The following CTNNA2 variants were observed in gnomAD, a reference collection of about 807,000 sequenced individuals.
The protein encoded by CTNNA2 is catenin alpha 2, also known as catenin alpha-2.
In CTNNA2, 42 loss-of-function variants were observed where a neutral mutation model predicts 101.0. The observed-to-expected ratio is 0.42, with a 90% CI of 0.32 to 0.54. CTNNA2 has a LOEUF of 0.54. Ranked by LOEUF, CTNNA2 falls within the 20% of genes least tolerant of loss-of-function variation. CTNNA2 has a pLI of 0.14. For missense variants in CTNNA2, 871 were observed against 1,223.1 expected, an observed-to-expected ratio of 0.71 and a Z score of 4.29; for synonymous variants, 450 against 456.4, an observed-to-expected ratio of 0.99 and a Z score of 0.18.
chr2:80,213,200 T>G (rs1248609161), intron 7 of CTNNA2, among the ~76,000 whole-genome samples: 2 of 152,186 alleles, frequency 1.3e-5, no homozygotes, highest in Non-Finnish European at 2.9e-5. Context: ...GGGTTTTTTG[T>G]GTCTCTATCT....
chr2:80,302,999 T>G lies in CTNNA2; in HGVS notation c.1057-90212T>G. On this transcript the variant is annotated intron_variant, in intron 7 of 18. Coordinates refer to ENST00000402739, the MANE Select transcript of CTNNA2 (RefSeq NM_001282597.3). This position sits in a 1 kb window ranked among gnomAD's most constrained non-coding sequence, Gnocchi z 6.4. ...CAGGTGCGGCACGGTCTCGAACACA[T>G]GGGGCTCCATGTACTCGATCTCGTT... 6.2e-7 allele frequency: 1 copy of G among 1,612,722 alleles called. No homozygotes were observed. Among genetic ancestry groups the G allele is most frequent in the Non-Finnish European group, 8.5e-7 (1 of 1,179,778 alleles).
intron 9 of CTNNA2, among the ~76,000 whole-genome samples, chr2:80,511,578 T>A (rs571243904): frequency 4.6e-5 from 7 of 152,150 alleles, no homozygotes; most frequent in Non-Finnish European, 1.0e-4. Flanking sequence ...AAAATATATA[T>A]CATTGTCAAA....
At chr2:79,192,231 T>C (rs1673883994) in intron 1 of CTNNA2, among the ~76,000 whole-genome samples, 1 of 152,174 alleles carries the variant, frequency 6.6e-6, no homozygotes, top group Non-Finnish European at 1.5e-5. Context: ...GGGGTCTCCT[T>C]GGCCAAAAGG....
chr2:80,379,938 T>C (rs1676336943), intron 7 of CTNNA2, among the ~76,000 whole-genome samples: 1 of 152,102 alleles, frequency 6.6e-6, no homozygotes, highest in South Asian at 2.1e-4. Flanking sequence ...TTTACCACTA[T>C]TTAACCAGCA....
intron 3 of CTNNA2, among the ~76,000 whole-genome samples, chr2:79,854,880 T>C (rs1681006011): frequency 2.0e-5 from 3 of 152,182 alleles, no homozygotes; most frequent in Non-Finnish European, 4.4e-5. Context: ...AATATTTCAA[T>C]CTTATAGAAA....
chr2:79,543,447 A>G (rs957275138), intron 1 of CTNNA2, among the ~76,000 whole-genome samples: 2 of 152,158 alleles, frequency 1.3e-5, no homozygotes, highest in Non-Finnish European at 2.9e-5. Flanking sequence ...ATATTTCTTT[A>G]AAGATGTTTT....
intron 11 of CTNNA2, among the ~76,000 whole-genome samples, chr2:80,551,642 C>A (rs1250319189): frequency 3.3e-5 from 5 of 152,204 alleles, no homozygotes; most frequent in African/African-American, 1.2e-4. Flanking sequence ...AGCTTCCTTA[C>A]CTCTCTCAGC....
chr2:79,814,845 C>G (rs1172052260), intron 3 of CTNNA2, among the ~76,000 whole-genome samples: 1 of 152,116 alleles, frequency 6.6e-6, no homozygotes, highest in Non-Finnish European at 1.5e-5. Context: ...TTTAAGTAAT[C>G]TCCACACTGT....
intron 2 of CTNNA2, among the ~76,000 whole-genome samples, chr2:79,202,176 G>A (rs1276573196): frequency 2.6e-5 from 4 of 152,222 alleles, no homozygotes; most frequent in Non-Finnish European, 1.5e-5. Context: ...AAGCCTCAGA[G>A]GGATGACTGA....
At chr2:79,585,934 A>C (rs942632950) in intron 1 of CTNNA2, among the ~76,000 whole-genome samples, 1 of 152,264 alleles carries the variant, frequency 6.6e-6, no homozygotes, top group African/African-American at 2.4e-5. Flanking sequence ...AGTCACAACC[A>C]CGCTTGGAGA....
At chr2:80,324,977 C>T (rs1679101729) in intron 7 of CTNNA2, among the ~76,000 whole-genome samples, 1 of 152,152 alleles carries the variant, frequency 6.6e-6, no homozygotes, top group South Asian at 2.1e-4. Flanking sequence ...TGCCATGGCA[C>T]ATATTACTAC....
chr2:79,599,650 A>G (rs1036249079), intron 1 of CTNNA2, among the ~76,000 whole-genome samples: 2 of 152,192 alleles, frequency 1.3e-5, no homozygotes, highest in Non-Finnish European at 2.9e-5. Context: ...AAAAATGGGA[A>G]TGAAAACTGT....
intron 1 of CTNNA2, among the ~76,000 whole-genome samples, chr2:79,533,797 C>G (rs1010722728): frequency 2.2e-5 from 2 of 91,746 alleles, no homozygotes; most frequent in Non-Finnish European, 4.7e-5. Context: ...ATTAAACAGG[C>G]AAACAAATAG....
At chr2:79,894,032 CTTCTTCTTCTTCTTCTTCTTCTTCT>C (rs1684502931) in intron 6 of CTNNA2, among the ~76,000 whole-genome samples, 1 of 145,834 alleles carries the variant, frequency 6.9e-6, no homozygotes, top group African/African-American at 2.6e-5. Context: ...TCTTCTTCTT[CTTCTTCTTCTTCTTCTTCTTCTTCT>C]TCTTCTTCCT....
chr2:79,696,453 T>A (rs1161750554), intron 2 of CTNNA2, among the ~76,000 whole-genome samples: 1 of 152,006 alleles, frequency 6.6e-6, no homozygotes, highest in African/African-American at 2.4e-5. Flanking sequence ...AATTGTCTTT[T>A]AAGTCTATGA....
intron 11 of CTNNA2, among the ~76,000 whole-genome samples, chr2:80,550,558 C>A (rs1692477083): frequency 6.6e-6 from 1 of 152,188 alleles, no homozygotes; most frequent in Non-Finnish European, 1.5e-5. Context: ...TTATGCACTA[C>A]ATTTATATAA....
chr2:79,331,731 T>G (rs1676877254), intron 3 of CTNNA2, among the ~76,000 whole-genome samples: 1 of 152,178 alleles, frequency 6.6e-6, no homozygotes, highest in Non-Finnish European at 1.5e-5. Flanking sequence ...GAGAAATTTT[T>G]CAATTTCATC....
intron 12 of CTNNA2, among the ~76,000 whole-genome samples, chr2:80,557,789 A>G (rs949624943): frequency 6.6e-6 from 1 of 152,186 alleles, no homozygotes; most frequent in East Asian, 1.9e-4. Flanking sequence ...GTTGATTGTA[A>G]TATTTTAACA....
intron 1 of CTNNA2, among the ~76,000 whole-genome samples, chr2:79,597,198 C>T (rs1677248435): frequency 6.6e-6 from 1 of 152,056 alleles, no homozygotes; most frequent in African/African-American, 2.4e-5. Context: ...CCCGTCCGGG[C>T]GCGGTGGCTC....
Sources: gnomAD v4.1 joint callset for allele counts (sites outside exome capture counted in the v4.1 genomes callset) on GRCh38, gnomAD v4.1.1 for gene constraint, Gnocchi (gnomAD v3.1) non-coding constraint, MANE v1.5 for transcripts, NCBI Gene and HGNC (gene_info 2026-07-23, HGNC 2026-07-21) for gene names.